The following CDC14B variants were observed in gnomAD, a reference collection of about 807,000 sequenced individuals.
CDC14B encodes the protein dual specificity protein phosphatase CDC14B.
Under a neutral mutation model 64.2 loss-of-function variants are expected in CDC14B, and 22 were observed. The ratio of observed to expected loss-of-function variants is 0.34; its 90% CI spans 0.24 to 0.49. The LOEUF is 0.49. CDC14B is among the 20% of genes least tolerant of loss of function. The pLI, the probability that CDC14B is intolerant of heterozygous loss-of-function variation, is 0.99. For synonymous variants in CDC14B, 191 were observed against 215.8 expected, an observed-to-expected ratio of 0.89 and a Z score of 1.01; for missense variants, 498 against 629.9, an observed-to-expected ratio of 0.79 and a Z score of 2.24.
rs187866231 is a variant in CDC14B at position 96,522,510 on chromosome 9, G to A, written c.1339C>T (p.Leu447Phe). ...AACAAAGGAACCCAGACTCACGTGA[G>A]AGGAATAGCGTTTGTTTTGGATTGT... ...RRQSKTNAIP[L>F]TVILQSSVQS... The change falls in exon 12 of 14, where the codon CTC becomes TTC. Residue 447 changes from leucine to phenylalanine, a missense_variant. Coordinates refer to ENST00000375241, the MANE Select transcript of CDC14B (RefSeq NM_033331.4). The A allele has an allele frequency of 1.9e-6, 3 of 1,604,514 alleles. No individual in the cohort carries two copies. Among genetic ancestry groups the A allele is most frequent in the African/African-American group, 1.3e-5 (1 of 74,868 alleles).
Position 96,547,852 on chromosome 9 carries a change from G to A in CDC14B, c.497+3944C>T, listed in dbSNP as rs138592174. Among the ~76,000 whole-genome samples, 800 of 151,584 alleles carry A rather than the reference G, an allele frequency of 5.3e-3. 11 individuals carry two copies. Among genetic ancestry groups the A allele is most frequent in the East Asian group, 0.031 (158 of 5,142 alleles). On this transcript the variant is annotated intron_variant, in intron 5 of 13. Coordinates refer to ENST00000375241, the MANE Select transcript of CDC14B (RefSeq NM_033331.4). ...GTTTCTGTTTTTTTTTTGAGATGGA[G>A]CCTCGCTCTGTTGCCCAGGCTGGAG...
At chr9:96,572,796 A>G (rs1844550958) in intron 1 of CDC14B, among the ~76,000 whole-genome samples, 1 of 152,240 alleles carries the variant, frequency 6.6e-6, no homozygotes, top group South Asian at 2.1e-4. Flanking sequence ...TTAAGCTGAT[A>G]AAGACTGTTC....
intron 12 of CDC14B, among the ~76,000 whole-genome samples, chr9:96,521,753 A>C (rs769673053): frequency 5.3e-5 from 8 of 152,230 alleles, no homozygotes; most frequent in Non-Finnish European, 1.2e-4. Context: ...CTCCCCGCAA[A>C]AAAGAAGGCT....
intron 5 of CDC14B, among the ~76,000 whole-genome samples, chr9:96,548,957 T>C (rs544947917): frequency 6.6e-6 from 1 of 152,354 alleles, no homozygotes; most frequent in Non-Finnish European, 1.5e-5. Context: ...GTCATATTTA[T>C]TCTATGTACT....
At chr9:96,562,266 G>A (rs1002743077) in intron 4 of CDC14B, among the ~76,000 whole-genome samples, 4 of 152,064 alleles carry the variant, frequency 2.6e-5, no homozygotes, top group African/African-American at 9.7e-5. Flanking sequence ...ATTTTAGAAA[G>A]CACTTTTTAA....
chr9:96,583,621 C>G (rs1845296105), intron 1 of CDC14B, among the ~76,000 whole-genome samples: 1 of 151,950 alleles, frequency 6.6e-6, no homozygotes, highest in Non-Finnish European at 1.5e-5. Flanking sequence ...GTCTGGAAAT[C>G]CCGACCTCAA....
intron 12 of CDC14B, among the ~76,000 whole-genome samples, chr9:96,521,173 G>C (rs573942051): frequency 2.0e-5 from 3 of 152,176 alleles, no homozygotes; most frequent in Middle Eastern, 3.4e-3. Flanking sequence ...GGGTTCAAGC[G>C]ATCCTCCTGC....
At chr9:96,560,796 G>A (rs1226459499) in intron 4 of CDC14B, among the ~76,000 whole-genome samples, 1 of 147,652 alleles carries the variant, frequency 6.8e-6, no homozygotes, top group Non-Finnish European at 1.5e-5. Context: ...CTGCAAGTAC[G>A]AGAAACACCA....
chr9:96,595,078 G>A (rs886333008), intron 1 of CDC14B, among the ~76,000 whole-genome samples: 1 of 152,154 alleles, frequency 6.6e-6, no homozygotes, highest in African/African-American at 2.4e-5. Flanking sequence ...TTGAACCCGG[G>A]AGGCAGAGGT....
intron 7 of CDC14B, among the ~76,000 whole-genome samples, chr9:96,536,782 G>GTAAC (rs1839333781): frequency 1.3e-5 from 2 of 152,210 alleles, no homozygotes; most frequent in Admixed American, 1.3e-4. Context: ...TCTGCTCAAG[G>GTAAC]TAACTACAGC....
In CDC14B at chr9:96,515,127, A is replaced by G. The variant is rs934428882; in HGVS notation, c.1344-5338T>C. On this transcript the variant is annotated intron_variant, in intron 12 of 13. Transcript: ENST00000375241. The surrounding 1 kb of genome is among the most constrained non-coding windows in gnomAD (Gnocchi z 4.3). ...CAGAGCAGGAAATTCTGCACACTAAAGAGAGAAGACTTATGAGAGAGCTGC... is the reference window on the plus strand; with the variant it reads ...CAGAGCAGGAAATTCTGCACACTAAGGAGAGAAGACTTATGAGAGAGCTGC... Among the ~76,000 whole-genome samples the G allele has an allele frequency of 1.3e-5, 2 of 152,236 alleles. No individual in the cohort carries two copies. Among genetic ancestry groups the G allele is most frequent in the Non-Finnish European group, 2.9e-5 (2 of 68,046 alleles).
Position 96,515,701 on chromosome 9 carries a change from G to A in CDC14B, c.1344-5912C>T. 6.2e-7 allele frequency: 1 copy of A among 1,603,526 alleles called. No homozygotes were observed. The highest frequency in any genetic ancestry group is 1.7e-5 in the Admixed American group (1 of 58,752). On this transcript the variant is annotated intron_variant, in intron 12 of 13. Coordinates refer to ENST00000375241, the MANE Select transcript of CDC14B (RefSeq NM_033331.4). The surrounding 1 kb of genome is among the most constrained non-coding windows in gnomAD (Gnocchi z 4.3). ...GGCTACTGTGTTCTGAAACCATCGA[G>A]ACAGAATAGCAGGATGGGAAGAATG...
At chr9:96,536,960 G>A (rs1263620567) in intron 7 of CDC14B, among the ~76,000 whole-genome samples, 1 of 152,108 alleles carries the variant, frequency 6.6e-6, no homozygotes, top group Non-Finnish European at 1.5e-5. Context: ...GGTTTTGCCT[G>A]GCTTATCTCT....
At position 96,601,566 on chromosome 9, in the gene CDC14B, C is replaced by T. The variant is rs145686373; in HGVS notation, c.160+17653G>A. Among the ~76,000 whole-genome samples the T allele has an allele frequency of 5.8e-3, 863 of 148,258 alleles. 12 individuals are homozygous for T. Among genetic ancestry groups the T allele is most frequent in the Admixed American group, 0.033 (490 of 14,776 alleles). On this transcript the variant is annotated intron_variant, in intron 1 of 13. Coordinates refer to ENST00000375241, the MANE Select transcript of CDC14B (RefSeq NM_033331.4). ...AACCCAGCACTTTGGGAGGCCGAGG[C>T]GGCAGATCACTTGAGGTCAGGAGTT...
In CDC14B at chr9:96,502,885, G is replaced by A; in HGVS notation, c.*868C>T. ...TTTTTTTGTAAGCCGACATTATTTG[G>A]GATTGCTGTTTCCAAGGGGAAAAAC... On this transcript the variant is annotated 3_prime_UTR_variant, in exon 14 of 14. Coordinates refer to ENST00000375241, the MANE Select transcript of CDC14B (RefSeq NM_033331.4). 5.0e-6 allele frequency: 2 copies of A among 398,362 alleles called. No individual in the cohort carries two copies. The highest frequency in any genetic ancestry group is 8.8e-6 in the Non-Finnish European group (2 of 226,010). The allele number at this position is 398,362 out of a possible 1,614,324, so 24.7% of individuals were successfully genotyped here. A position where few individuals can be genotyped will look rare whatever the true frequency, so the allele number is the denominator to read the frequency against.
Position 96,562,712 on chromosome 9 carries a change from A to C in CDC14B, c.401T>G (p.Phe134Cys), listed in dbSNP as rs747019117. The C allele has an allele frequency of 8.7e-6, 14 of 1,609,926 alleles. No individual in the cohort carries two copies. The highest frequency in any genetic ancestry group is 1.6e-4 in the Middle Eastern group (1 of 6,062). The part of the protein sequence containing the change: ...SDQRKQANAA[F>C]LVGCYMVIYL... ...ACTTACCATGTAGCATCCAACAAGG[A>C]AGGCAGCATTTGCTTGTTTTCTCTG... Residue 134 changes from phenylalanine to cysteine, a missense_variant, in exon 4 of 14, where the codon TTC becomes TGC. Physicochemically the swap from Phe to Cys is radical, Grantham distance 205. Coordinates refer to ENST00000375241, the MANE Select transcript of CDC14B (RefSeq NM_033331.4).
At chr9:96,581,432 G>A (rs1267553665) in intron 1 of CDC14B, among the ~76,000 whole-genome samples, 1 of 137,648 alleles carries the variant, frequency 7.3e-6, no homozygotes, top group African/African-American at 3.6e-5. Flanking sequence ...TTGCAGTACT[G>A]CACTCCAGCC....
chr9:96,495,788 C>T (rs1564175886), downstream of CDC14B, among the ~76,000 whole-genome samples: 1 of 152,120 alleles, frequency 6.6e-6, no homozygotes, highest in Non-Finnish European at 1.5e-5. Context: ...TACTGAGGCT[C>T]CCCGGCAGGC....
At chr9:96,514,307 A>T (rs956807217) in intron 12 of CDC14B, 2 of 525,340 alleles carry the variant, frequency 3.8e-6, no homozygotes, top group African/African-American at 4.1e-5. Flanking sequence ...GAACAGTTTG[A>T]GAAGAATAAC....
Sources: gnomAD v4.1 joint callset for allele counts (sites outside exome capture counted in the v4.1 genomes callset) on GRCh38, gnomAD v4.1.1 for gene constraint, Gnocchi (gnomAD v3.1) non-coding constraint, MANE v1.5 for transcripts, NCBI Gene and HGNC (gene_info 2026-07-23, HGNC 2026-07-21) for gene names.